The following NR6A1 variants were observed in gnomAD, a reference collection of about 807,000 sequenced individuals.
NR6A1 encodes the protein retinoic acid receptor-related testis-associated receptor.
A neutral mutation model predicts 59.1 loss-of-function variants in NR6A1; 7 were observed. The observed-to-expected ratio is 0.12, with a 90% CI of 0.07 to 0.22. The LOEUF is 0.22. Ranked by LOEUF, NR6A1 falls within the 10% of genes least tolerant of loss-of-function variation. The pLI, the probability that NR6A1 is intolerant of heterozygous loss-of-function variation, is 1.00. For missense variants in NR6A1, 468 were observed against 611.6 expected (o/e 0.77, Z 2.48); for synonymous variants, 243 against 236.1 (o/e 1.03, Z -0.27).
chr9:124,564,172 C>T (rs1193062518), intron 2 of NR6A1, among the ~76,000 whole-genome samples: 1 of 152,090 alleles, frequency 6.6e-6, no homozygotes, highest in East Asian at 1.9e-4. Context: ...TATAATTCAA[C>T]ATTATAAAAC....
In NR6A1 at chr9:124,756,036, T is replaced by G. The variant is rs187882954; in HGVS notation, c.100+14984A>C. On this transcript the variant is annotated intron_variant, in intron 1 of 9. Coordinates refer to ENST00000487099, the MANE Select transcript of NR6A1 (RefSeq NM_033334.4). ...ATGATCAACAAATAGATGACAAACT[T>G]AATTATTTTTGTAGCCCATATTAGG... 2.4e-3 allele frequency among the ~76,000 whole-genome samples: 361 copies of G among 150,208 alleles called. 1 individual carries two copies. Among genetic ancestry groups the G allele is most frequent in the Non-Finnish European group, 3.8e-3 (256 of 68,012 alleles).
chr9:124,662,491 A>G (rs28682517), intron 2 of NR6A1, among the ~76,000 whole-genome samples: 2,716 of 152,302 alleles, frequency 0.018, 83 homozygotes, highest in African/African-American at 0.062. Flanking sequence ...TGAAGTATGT[A>G]AAGTATCTAG....
chr9:124,737,654 T>A (rs761421632), intron 1 of NR6A1, among the ~76,000 whole-genome samples: 5 of 152,100 alleles, frequency 3.3e-5, no homozygotes, highest in Non-Finnish European at 5.9e-5. Context: ...TCACTTGAGG[T>A]CAGGAGTTCG....
At chr9:124,527,851 C>A (rs918639359) in intron 7 of NR6A1, among the ~76,000 whole-genome samples, 1 of 152,148 alleles carries the variant, frequency 6.6e-6, no homozygotes, top group South Asian at 2.1e-4. Flanking sequence ...ATACTTCATA[C>A]CAGAGATGGA....
intron 2 of NR6A1, among the ~76,000 whole-genome samples, chr9:124,589,460 A>T (rs1835043091): frequency 6.6e-6 from 1 of 152,102 alleles, no homozygotes; most frequent in Admixed American, 6.5e-5. Flanking sequence ...ACAAACAAAC[A>T]AAAAATAAAA....
chr9:124,594,084 C>T (rs1835205084), intron 2 of NR6A1, among the ~76,000 whole-genome samples: 1 of 152,102 alleles, frequency 6.6e-6, no homozygotes, highest in South Asian at 2.1e-4. Context: ...CCAGGCAATG[C>T]TTTTTTTACA....
intron 2 of NR6A1, among the ~76,000 whole-genome samples, chr9:124,601,596 A>AAG (rs1488650211): frequency 2.0e-5 from 3 of 149,822 alleles, no homozygotes; most frequent in African/African-American, 7.3e-5. Flanking sequence ...AAAAAAAAAA[A>AAG]AAAGAAAGAA....
In NR6A1 at chr9:124,550,391, T is replaced by C. The variant is rs1157036043; in HGVS notation, c.385+3937A>G. Among the ~76,000 whole-genome samples, 4 of 150,094 alleles carry C rather than the reference T, an allele frequency of 2.7e-5. No homozygotes were observed. In the East Asian group the frequency reaches 7.8e-4, roughly 29 times the overall value. On this transcript the variant is annotated intron_variant, in intron 3 of 9. Coordinates refer to ENST00000487099, the MANE Select transcript of NR6A1 (RefSeq NM_033334.4). ...TAATGGTGAATTTTTTTTTTTTTTT[T>C]TTTTTTTGGTTTGTTGCCCAGGGTG...
chr9:124,642,089 C>A (rs950830904), intron 2 of NR6A1, among the ~76,000 whole-genome samples: 2 of 152,074 alleles, frequency 1.3e-5, no homozygotes, highest in Non-Finnish European at 2.9e-5. Context: ...TGCTCTGTCA[C>A]CTAGGCCGGA....
At chr9:124,752,974 C>A (rs1430970632) in intron 1 of NR6A1, among the ~76,000 whole-genome samples, 1 of 152,112 alleles carries the variant, frequency 6.6e-6, no homozygotes, top group Non-Finnish European at 1.5e-5. Context: ...GAGGGGGTAC[C>A]TAGGCAGTAA....
intron 2 of NR6A1, among the ~76,000 whole-genome samples, chr9:124,579,345 G>C (rs1293727293): frequency 6.6e-6 from 1 of 151,990 alleles, no homozygotes; most frequent in Non-Finnish European, 1.5e-5. Context: ...GAGCTCAAGA[G>C]TTTGAGACTA....
At chr9:124,739,550 A>AC (rs1840117341) in intron 1 of NR6A1, among the ~76,000 whole-genome samples, 1 of 152,150 alleles carries the variant, frequency 6.6e-6, no homozygotes, top group Non-Finnish European at 1.5e-5. Flanking sequence ...GACCTCTAGG[A>AC]CCCAAGCAAC....
At chr9:124,529,273 A>G (rs192634871) in intron 7 of NR6A1, among the ~76,000 whole-genome samples, 1 of 152,356 alleles carries the variant, frequency 6.6e-6, no homozygotes, top group East Asian at 1.9e-4. Flanking sequence ...AGTATTCTAC[A>G]TTTAATCTTA....
intron 1 of NR6A1, among the ~76,000 whole-genome samples, chr9:124,744,178 C>T (rs1158674532): frequency 1.3e-5 from 2 of 151,946 alleles, no homozygotes; most frequent in African/African-American, 2.4e-5. Context: ...AGGTTGAGGC[C>T]GCAGTGAGCC....
At chr9:124,589,416 G>A (rs756094249) in intron 2 of NR6A1, among the ~76,000 whole-genome samples, 15 of 151,972 alleles carry the variant, frequency 9.9e-5, no homozygotes, top group East Asian at 3.9e-4. Context: ...ACTGCACTCC[G>A]GCCTGGGCGA....
chr9:124,712,806 A>G (rs1839316181), intron 2 of NR6A1, among the ~76,000 whole-genome samples: 1 of 152,232 alleles, frequency 6.6e-6, no homozygotes, highest in African/African-American at 2.4e-5. Flanking sequence ...TTCAAAATTC[A>G]ATCAGTGTAA....
At chr9:124,547,096 T>TA (rs2131370472) in intron 3 of NR6A1, among the ~76,000 whole-genome samples, 1 of 152,374 alleles carries the variant, frequency 6.6e-6, no homozygotes, top group African/African-American at 2.4e-5. Context: ...TGTGCAGTAT[T>TA]ACAGGAATGG....
At chr9:124,649,792 TGAA>T (rs1837045916) in intron 2 of NR6A1, among the ~76,000 whole-genome samples, 1 of 152,004 alleles carries the variant, frequency 6.6e-6, no homozygotes, top group Non-Finnish European at 1.5e-5. Flanking sequence ...GAAAAAAAGA[TGAA>T]GAGACATTTC....
intron 7 of NR6A1, among the ~76,000 whole-genome samples, chr9:124,532,096 T>G (rs1833116993): frequency 6.6e-6 from 1 of 152,242 alleles, no homozygotes; most frequent in South Asian, 2.1e-4. Flanking sequence ...AGATTGACAT[T>G]TGAGCACCTT....
Sources: gnomAD v4.1 joint callset for allele counts (sites outside exome capture counted in the v4.1 genomes callset) on GRCh38, gnomAD v4.1.1 for gene constraint, MANE v1.5 for transcripts, NCBI Gene and HGNC (gene_info 2026-07-23, HGNC 2026-07-21) for gene names.